The following TBC1D32 variants were observed in gnomAD, a reference collection of about 807,000 sequenced individuals.
TBC1D32 encodes the protein TBC1 domain family member 32.
TBC1D32 carries 151 observed loss-of-function variants against 170.3 expected under a neutral mutation model. The observed-to-expected ratio is 0.89, with a 90% CI of 0.78 to 1.01. The LOEUF (loss-of-function observed/expected upper bound fraction) is 1.01. Ranked by LOEUF, TBC1D32 falls within the 50% of genes least tolerant of loss-of-function variation. The pLI is 0.00. For synonymous variants in TBC1D32, 498 were observed against 488.0 expected (o/e 1.02, Z -0.27); for missense variants, 1,464 against 1,457.1 (o/e 1.00, Z -0.08).
At chr6:121,108,502 T>C (rs771226780) in intron 29 of TBC1D32, among the ~76,000 whole-genome samples, 1 of 152,056 alleles carries the variant, frequency 6.6e-6, no homozygotes, top group African/African-American at 2.4e-5. Context: ...TAGTCTAATA[T>C]ATAAACTACG....
chr6:121,211,509 C>T (rs1793052039), intron 21 of TBC1D32, among the ~76,000 whole-genome samples: 1 of 152,108 alleles, frequency 6.6e-6, no homozygotes, highest in Non-Finnish European at 1.5e-5. Flanking sequence ...CTGTATCATT[C>T]TTATGCCTTT....
chr6:121,295,316 T>G (rs1216453964), intron 10 of TBC1D32, among the ~76,000 whole-genome samples: 1 of 139,706 alleles, frequency 7.2e-6, no homozygotes, highest in Non-Finnish European at 1.5e-5. Flanking sequence ...AAGCCACCAG[T>G]GATATACGGT....
intron 22 of TBC1D32, 136 bp from the exon 23 acceptor site, chr6:121,161,192 A>G (rs1785588590): frequency 2.9e-6 from 2 of 701,474 alleles, no homozygotes; most frequent in East Asian, 5.5e-5. Context: ...TGCATTTAGC[A>G]TTTATATAAT....
At chr6:121,317,695 A>T in intron 2 of TBC1D32, 23 bp from the exon 3 acceptor site, 1 of 1,516,034 alleles carries the variant, frequency 6.6e-7, no homozygotes, top group Non-Finnish European at 8.9e-7. Flanking sequence ...GGTAGTCTTA[A>T]TAAGAGAAAG....
intron 4 of TBC1D32, among the ~76,000 whole-genome samples, chr6:121,309,472 T>C (rs1380071822): frequency 6.6e-6 from 1 of 152,186 alleles, no homozygotes; most frequent in East Asian, 1.9e-4. Context: ...TATGAGTTTT[T>C]TAAAAATTTC....
intron 30 of TBC1D32, among the ~76,000 whole-genome samples, chr6:121,095,007 T>C (rs1777235573): frequency 1.3e-5 from 2 of 152,154 alleles, no homozygotes; most frequent in African/African-American, 4.8e-5. Context: ...TTATTACATT[T>C]TCAAAAACGA....
At chr6:121,136,070 T>C (rs1401014505) in intron 24 of TBC1D32, among the ~76,000 whole-genome samples, 5 of 152,126 alleles carry the variant, frequency 3.3e-5, no homozygotes, top group African/African-American at 1.2e-4. Context: ...ATGTGACTCA[T>C]AACTTGCAGA....
intron 22 of TBC1D32, among the ~76,000 whole-genome samples, chr6:121,162,374 G>GTATA (rs1313553958): frequency 6.6e-6 from 1 of 151,972 alleles, no homozygotes; most frequent in Non-Finnish European, 1.5e-5. Flanking sequence ...GTTGATTTTT[G>GTATA]TATACAATGT....
chr6:121,333,136 G>C (rs1811419683), intron 1 of TBC1D32, among the ~76,000 whole-genome samples: 1 of 152,092 alleles, frequency 6.6e-6, no homozygotes, highest in Non-Finnish European at 1.5e-5. Flanking sequence ...GGGTACCCAA[G>C]GGTATCCAAG....
In TBC1D32 at chr6:121,101,605, T is replaced by C. The variant is rs183135198; in HGVS notation, c.3465+4418A>G. ...ACGTATCTCAAAATAATAAGAGCTA[T>C]TTATGGAAAACTCACAGCCAGTATC... On this transcript the variant is annotated intron_variant, in intron 30 of 31. Transcript: ENST00000398212. Among the ~76,000 whole-genome samples, 168 of 152,236 alleles carry C rather than the reference T, an allele frequency of 1.1e-3. 1 individual carries two copies. The highest frequency in any genetic ancestry group is 2.9e-4 in the Non-Finnish European group (20 of 68,028).
chr6:121,293,696 C>T (rs888841892), intron 11 of TBC1D32, among the ~76,000 whole-genome samples: 4 of 151,904 alleles, frequency 2.6e-5, no homozygotes, highest in African/African-American at 9.7e-5. Flanking sequence ...TGGATCACAA[C>T]GTCAGGAGTT....
intron 14 of TBC1D32, 102 bp from the exon 15 acceptor site, chr6:121,279,347 A>G: frequency 7.6e-7 from 1 of 1,317,244 alleles, no homozygotes; most frequent in Non-Finnish European, 1.0e-6. Context: ...ATAAAGTTAT[A>G]TTACAACAAA....
At chr6:121,198,666 G>T (rs963015188) in intron 22 of TBC1D32, among the ~76,000 whole-genome samples, 1 of 150,998 alleles carries the variant, frequency 6.6e-6, no homozygotes, top group African/African-American at 2.5e-5. Context: ...CAGGAGAATG[G>T]CATGAACCCG....
chr6:121,119,688 A>G (rs73768913), intron 26 of TBC1D32, among the ~76,000 whole-genome samples: 4,905 of 152,242 alleles, frequency 0.032, 269 homozygotes, highest in African/African-American at 0.11. Context: ...TACCTATATG[A>G]ATTTACAAAC....
At chr6:121,306,474 G>A (rs1270354080) in intron 5 of TBC1D32, among the ~76,000 whole-genome samples, 4 of 152,118 alleles carry the variant, frequency 2.6e-5, no homozygotes, top group Non-Finnish European at 5.9e-5. Flanking sequence ...GATACACACT[G>A]TAGATACTCA....
At chr6:121,239,325 T>C (rs1466117564) in intron 19 of TBC1D32, 137 bp from the exon 20 acceptor site, 2 of 458,392 alleles carry the variant, frequency 4.4e-6, no homozygotes, top group African/African-American at 1.9e-5. Context: ...TAAAAAATAA[T>C]CTCTTCTTGG....
chr6:121,178,472 A>AC (rs1788067237), intron 22 of TBC1D32, among the ~76,000 whole-genome samples: 1 of 152,142 alleles, frequency 6.6e-6, no homozygotes, highest in Non-Finnish European at 1.5e-5. Flanking sequence ...ACAAAAAGAA[A>AC]CCAGTTAAAA....
chr6:121,276,412 T>C (rs1396446933), intron 15 of TBC1D32, among the ~76,000 whole-genome samples: 1 of 151,512 alleles, frequency 6.6e-6, no homozygotes, highest in African/African-American at 2.4e-5. Context: ...TAGCAACCAT[T>C]AAAAAGAGTG....
In TBC1D32 at chr6:121,103,456, CCAT is replaced by C. The variant is rs1280866627; in HGVS notation, c.3465+2564_3465+2566del. 2.6e-5 allele frequency among the ~76,000 whole-genome samples: 4 copies of C among 151,376 alleles called. No individual in the cohort carries two copies. In the South Asian group the frequency reaches 6.3e-4, roughly 24 times the overall value. On this transcript the variant is annotated intron_variant, in intron 30 of 31. Transcript: ENST00000398212. ...GTAGGGACATGGATGAAGCTGGAAA[CCAT>C]CATTCTCAGCAAACTATTGCAAGGA...
Sources: allele counts gnomAD v4.1 joint callset (sites outside exome capture counted in the v4.1 genomes callset), GRCh38; gene constraint gnomAD v4.1.1; transcripts MANE v1.5; gene names NCBI Gene and HGNC (gene_info 2026-07-23, HGNC 2026-07-21).